LCN9: variants seen among roughly 807,000 people sequenced by gnomAD.
LCN9 encodes epididymal-specific lipocalin-9.
In LCN9, 22 loss-of-function variants were observed where a neutral mutation model predicts 18.5. The ratio of observed to expected loss-of-function variants is 1.19; its 90% CI spans 0.85 to 1.70. The LOEUF (loss-of-function observed/expected upper bound fraction) is 1.70. Among genes scored for constraint, LCN9 ranks in the 40% most tolerant of loss-of-function variants. The pLI is 0.00. For missense variants in LCN9, 202 were observed against 201.3 expected (o/e 1.00, Z -0.02); for synonymous variants, 89 against 83.0 (o/e 1.07, Z -0.39).
chr9:135,665,561 T>A lies in LCN9; in HGVS notation c.419-127T>A. 1.0e-6 allele frequency: 1 copy of A among 955,604 alleles called. No homozygotes were observed. The highest frequency in any genetic ancestry group is 1.6e-6 in the Non-Finnish European group (1 of 625,258). 59.2% of individuals were successfully genotyped at this position (955,604 alleles called of 1,614,324 possible). A position where few individuals can be genotyped will look rare whatever the true frequency, so the allele number is the denominator to read the frequency against. ...TCTCACTTGGCACAAAGCCCCTCTC[T>A]GGTCAGGGCGTGACCCCCTGCCCAG... On this transcript the variant is annotated intron_variant, in intron 4 of 5. Transcript: ENST00000619315. This position sits in a 1 kb window ranked among gnomAD's most constrained non-coding sequence, Gnocchi z 5.9.
chr9:135,666,162 T>C, exon 6 of LCN9: 1 of 1,567,854 alleles, frequency 6.4e-7, no homozygotes, highest in Non-Finnish European at 8.6e-7. Flanking sequence ...GATGTCACCA[T>C]ATGCGGGTGA....
At position 135,664,692 on chromosome 9, in the gene LCN9, A is replaced by G; in HGVS notation, c.234-30A>G. On this transcript the variant is annotated intron_variant, in intron 2 of 5. Transcript: ENST00000619315. This position sits in a 1 kb window ranked among gnomAD's most constrained non-coding sequence, Gnocchi z 4.5. ...CGCACGTCCAGGGGGCTGGAGCTCC[A>G]CTCCCGGCATCTTCCTGGCTGGCTT... 6.4e-7 allele frequency: 1 copy of G among 1,550,628 alleles called. No homozygotes were observed. Among genetic ancestry groups the G allele is most frequent in the Non-Finnish European group, 8.7e-7 (1 of 1,150,188 alleles).
chr9:135,665,267 C>T lies in LCN9; in HGVS notation c.330C>T (p.Ala110=), dbSNP rs770752020. Residue 110 remains alanine (A), a synonymous_variant, in exon 4 of 6, where the codon GCC becomes GCT. Transcript: ENST00000619315. The surrounding 1 kb of genome is among the most constrained non-coding windows in gnomAD (Gnocchi z 5.9). ...CAGATGAGGGCCAGAACACAGTGGCCGTCTCGGAGACTGACTACAGGCTGT... is the reference window on the plus strand; with the variant it reads ...CAGATGAGGGCCAGAACACAGTGGCTGTCTCGGAGACTGACTACAGGCTGT... 6.3e-6 allele frequency: 10 copies of T among 1,599,784 alleles called. No individual in the cohort carries two copies. The East Asian group carries it at 6.8e-5, about 11-fold the overall frequency.
Position 135,664,405 on chromosome 9 carries a change from CT to C in LCN9, c.233+108del. Reference sequence around the variant, plus strand: ...ACGCTCGCACACTCACTGACTTGCACTCTGGTGAGAGCCTGAGCCTGTGCGT... The same window carrying C: ...ACGCTCGCACACTCACTGACTTGCACCTGGTGAGAGCCTGAGCCTGTGCGT... On this transcript the variant is annotated intron_variant, in intron 2 of 5. Coordinates refer to ENST00000619315, the Ensembl canonical transcript of LCN9. The surrounding 1 kb of genome is among the most constrained non-coding windows in gnomAD (Gnocchi z 4.5). 1 of 1,418,164 alleles carries C rather than the reference CT, an allele frequency of 7.1e-7. No individual in the cohort carries two copies. Among genetic ancestry groups the C allele is most frequent in the Non-Finnish European group, 9.8e-7 (1 of 1,022,878 alleles). 87.8% of individuals were successfully genotyped at this position (1,418,164 alleles called of 1,614,324 possible).
Position 135,664,097 on chromosome 9 carries a change from G to C in LCN9, c.97-65G>C. 1.9e-6 allele frequency: 3 copies of C among 1,579,594 alleles called. No homozygotes were observed. Among genetic ancestry groups the C allele is most frequent in the Non-Finnish European group, 2.6e-6 (3 of 1,159,662 alleles). On this transcript the variant is annotated intron_variant, in intron 1 of 5. Transcript: ENST00000619315. This position sits in a 1 kb window ranked among gnomAD's most constrained non-coding sequence, Gnocchi z 4.5. ...GGGCCGGGCCCTGGGAGGGAAGACT[G>C]TGGGCGCTAAGCATCCCCAGGGCTG...
At chr9:135,666,234 G>A (rs1189209071) in exon 6 of LCN9, 42 of 1,276,442 alleles carry the variant, frequency 3.3e-5, no homozygotes, top group East Asian at 1.7e-4. Flanking sequence ...CCCGAGGTCC[G>A]CAGGGCTGTG....
chr9:135,666,150 CTGA>C (rs1309824077), exon 6 of LCN9: 1 of 1,585,976 alleles, frequency 6.3e-7, no homozygotes, highest in South Asian at 1.1e-5. Context: ...TCTCCAGGGG[CTGA>C]TGTCACCATA....
At chr9:135,666,939 A>C (rs539028780) in exon 6 of LCN9, among the ~76,000 whole-genome samples, 8 of 151,966 alleles carry the variant, frequency 5.3e-5, no homozygotes, top group Non-Finnish European at 1.2e-4. Flanking sequence ...TGTTTTGGTG[A>C]ATAAAAGGGA....
rs543832609 is a variant in LCN9 at position 135,664,355 on chromosome 9, C to T, written c.233+57C>T. The stretch of plus-strand genomic sequence containing the variant: ...AAGACCCATGCCCCTGCCACCCCAA[C>T]GCATACTCTCACTCTTGCACACACA... On this transcript the variant is annotated intron_variant, in intron 2 of 5. Coordinates refer to ENST00000619315, the Ensembl canonical transcript of LCN9. This position sits in a 1 kb window ranked among gnomAD's most constrained non-coding sequence, Gnocchi z 4.5. 143 of 1,599,676 alleles carry T rather than the reference C, an allele frequency of 8.9e-5. No individual in the cohort carries two copies. The highest frequency in any genetic ancestry group is 2.9e-4 in the African/African-American group (22 of 74,806).
chr9:135,666,147 G>T, exon 6 of LCN9: 1 of 1,588,404 alleles, frequency 6.3e-7, no homozygotes, highest in South Asian at 1.1e-5. Flanking sequence ...GAGTCTCCAG[G>T]GGCTGATGTC....
chr9:135,664,659 T>G lies in LCN9; in HGVS notation c.234-63T>G. 7.1e-7 allele frequency: 1 copy of G among 1,414,160 alleles called. No homozygotes were observed. The highest frequency in any genetic ancestry group is 9.6e-7 in the Non-Finnish European group (1 of 1,044,242). 87.6% of individuals were successfully genotyped at this position (1,414,160 alleles called of 1,614,324 possible). A position where few individuals can be genotyped will look rare whatever the true frequency, so the allele number is the denominator to read the frequency against. ...CCTGTGCCCTGGAGGAGGGGTGCTC[T>G]CTGCCATCGCACGTCCAGGGGGCTG... On this transcript the variant is annotated intron_variant, in intron 2 of 5. Coordinates refer to ENST00000619315, the Ensembl canonical transcript of LCN9. The surrounding 1 kb of genome is among the most constrained non-coding windows in gnomAD (Gnocchi z 4.5).
At chr9:135,666,005 T>G in exon 6 of LCN9, 1 of 1,598,940 alleles carries the variant, frequency 6.3e-7, no homozygotes, top group East Asian at 2.2e-5. Flanking sequence ...TGCCCATCCC[T>G]CCCCCTGGTC....
rs1184662506 is a variant in LCN9 at position 135,665,019 on chromosome 9, C to T, written c.307+224C>T. ...TGCTGAGCTCTGGGGGGTGAGCCCA[C>T]TGAGGGGCCACCAGGGTCTGCAAGC... On this transcript the variant is annotated intron_variant, in intron 3 of 5. Transcript: ENST00000619315. The surrounding 1 kb of genome is among the most constrained non-coding windows in gnomAD (Gnocchi z 5.9). 6.6e-6 allele frequency among the ~76,000 whole-genome samples: 1 copy of T among 152,108 alleles called. No individual in the cohort carries two copies. Among genetic ancestry groups the T allele is most frequent in the African/African-American group, 2.4e-5 (1 of 41,424 alleles).
At chr9:135,663,341 G>A (rs777057165) in exon 1 of LCN9, 2 of 1,613,834 alleles carry the variant, frequency 1.2e-6, no homozygotes, top group Non-Finnish European at 1.7e-6. Flanking sequence ...CTTCTGCTGA[G>A]CCTGGGGCTG....
rs949893256 is a variant in LCN9, at chr9:135,664,818, C to G, written c.307+23C>G. On this transcript the variant is annotated intron_variant, in intron 3 of 5. Transcript: ENST00000619315. The surrounding 1 kb of genome is among the most constrained non-coding windows in gnomAD (Gnocchi z 4.5). ...ACTGTAAGTGGAAGCCAGGCTCCTCCTGGTCTCACAGTCGGGGGTCTCCTT... is the reference window on the plus strand; with the variant it reads ...ACTGTAAGTGGAAGCCAGGCTCCTCGTGGTCTCACAGTCGGGGGTCTCCTT... The G allele has an allele frequency of 6.4e-7, 1 of 1,564,626 alleles. No individual in the cohort carries two copies. The highest frequency in any genetic ancestry group is 1.4e-5 in the African/African-American group (1 of 73,534).
At position 135,665,748 on chromosome 9, in the gene LCN9, C is replaced by T. The variant is rs1446813113; in HGVS notation, c.*5C>T. ...CACAAAATATCATCGACTTGACCAA[C>T]AAAGGTCAGCCCCACTGCTCCCGGA... On this transcript the variant is annotated 3_prime_UTR_variant, in exon 5 of 6. Transcript: ENST00000619315. This position sits in a 1 kb window ranked among gnomAD's most constrained non-coding sequence, Gnocchi z 5.9. The T allele has an allele frequency of 6.2e-7, 1 of 1,613,510 alleles. No homozygotes were observed. Among genetic ancestry groups the T allele is most frequent in the African/African-American group, 1.3e-5 (1 of 75,056 alleles).
Position 135,664,735 on chromosome 9 carries a change from T to C in LCN9, c.247T>C (p.Cys83Arg). The stretch of plus-strand genomic sequence containing the variant: ...GCTGGCTTCCAGGGTGCAGGGGGAG[T>C]GTGTGGCTGTGGTCGTGGTCTGCGA... Residue 83 changes from cysteine to arginine, a missense_variant, in exon 3 of 6, where the codon TGT (cysteine) becomes CGT (arginine). Transcript: ENST00000619315. The surrounding 1 kb of genome is among the most constrained non-coding windows in gnomAD (Gnocchi z 4.5). The C allele has an allele frequency of 6.3e-7, 1 of 1,594,106 alleles. No individual in the cohort carries two copies. Among genetic ancestry groups the C allele is most frequent in the Non-Finnish European group, 8.5e-7 (1 of 1,171,572 alleles).
chr9:135,665,712 C>A lies in LCN9; in HGVS notation c.443C>A (p.Thr148Lys). The A allele has an allele frequency of 6.2e-7, 1 of 1,613,394 alleles. No homozygotes were observed. The highest frequency in any genetic ancestry group is 1.7e-5 in the Admixed American group (1 of 59,932). Residue 148 changes from threonine (T) to lysine (K), a missense_variant, in exon 5 of 6, where the codon ACG (threonine) becomes AAG (lysine). By Grantham distance (78) the Thr-to-Lys change is moderately conservative. Coordinates refer to ENST00000619315, the Ensembl canonical transcript of LCN9. This position sits in a 1 kb window ranked among gnomAD's most constrained non-coding sequence, Gnocchi z 5.9. Reference sequence around the variant, plus strand: ...GATTTGAAGAAACCTGCGAAAAGTACGGACTTGGCTCACAAAATATCATCG... The same window carrying A: ...GATTTGAAGAAACCTGCGAAAAGTAAGGACTTGGCTCACAAAATATCATCG...
Position 135,665,085 on chromosome 9 carries a change from C to A in LCN9, c.308-160C>A. The A allele has an allele frequency of 1.5e-6, 1 of 647,796 alleles. No homozygotes were observed. Among genetic ancestry groups the A allele is most frequent in the South Asian group, 1.8e-5 (1 of 56,136 alleles). The allele number at this position is 647,796 out of a possible 1,614,324, so 40.1% of individuals were successfully genotyped here. ...AGGGGGCTGTGCCGCTGCTGCCCGC[C>A]CCCTGTGCAGGGGTCTCCGCTGGGT... On this transcript the variant is annotated intron_variant, in intron 3 of 5. Transcript: ENST00000619315. The surrounding 1 kb of genome is among the most constrained non-coding windows in gnomAD (Gnocchi z 5.9).
Sources: allele counts gnomAD v4.1 joint callset (sites outside exome capture counted in the v4.1 genomes callset), GRCh38; gene constraint gnomAD v4.1.1; non-coding constraint Gnocchi (gnomAD v3.1); transcripts MANE v1.5; gene names NCBI Gene and HGNC (gene_info 2026-07-23, HGNC 2026-07-21).